ATP5PD: variants seen among roughly 807,000 people sequenced by gnomAD.
ATP5PD encodes the protein ATP synthase peripheral stalk subunit d, mitochondrial.
In ATP5PD, 13 loss-of-function variants were observed where a neutral mutation model predicts 22.6. The ratio of observed to expected loss-of-function variants is 0.58; its 90% CI spans 0.37 to 0.91. The LOEUF (loss-of-function observed/expected upper bound fraction) is 0.91. ATP5PD is among the 40% of genes least tolerant of loss of function. The probability of loss-of-function intolerance (pLI) is 0.00; values close to 1 mark genes in which losing one functional copy is unlikely to be tolerated. For synonymous variants in ATP5PD, 51 were observed against 65.0 expected, an observed-to-expected ratio of 0.79 and a Z score of 1.03; for missense variants, 165 against 188.0, an observed-to-expected ratio of 0.88 and a Z score of 0.72.
At chr17:75,045,468 C>T (rs1184454407) in intron 1 of ATP5PD, among the ~76,000 whole-genome samples, 2 of 152,186 alleles carry the variant, frequency 1.3e-5, no homozygotes, top group Non-Finnish European at 2.9e-5. Flanking sequence ...TTATTTCACC[C>T]CTGCAGTCTC....
intron 3 of ATP5PD, chr17:75,041,315 A>C (rs2073157197): frequency 6.6e-6 from 1 of 150,470 alleles, no homozygotes; most frequent in Non-Finnish European, 1.5e-5. Context: ...AGATGGCGCC[A>C]CTGCACTCCA....
chr17:75,045,367 AG>A (rs1327846600), intron 1 of ATP5PD, among the ~76,000 whole-genome samples: 2 of 152,342 alleles, frequency 1.3e-5, no homozygotes, highest in Admixed American at 6.5e-5. Flanking sequence ...ATCAGGAGAC[AG>A]GGTTTTCAGA....
intron 1 of ATP5PD, among the ~76,000 whole-genome samples, chr17:75,044,701 C>T (rs1381087062): frequency 6.6e-6 from 1 of 152,126 alleles, no homozygotes; most frequent in Non-Finnish European, 1.5e-5. Flanking sequence ...AAAACGACTA[C>T]AGCCACTTAA....
intron 4 of ATP5PD, chr17:75,039,690 A>C: frequency 3.7e-6 from 1 of 267,524 alleles, no homozygotes; most frequent in East Asian, 8.7e-5. Context: ...TAATTTTTCT[A>C]ATTCCAACTC....
chr17:75,046,287 T>G (rs1416530337), intron 1 of ATP5PD, among the ~76,000 whole-genome samples: 3 of 152,314 alleles, frequency 2.0e-5, no homozygotes, highest in Non-Finnish European at 4.4e-5. Context: ...TTTCACTACG[T>G]TGGCCAGGCT....
chr17:75,045,184 C>G (rs1278755287), intron 1 of ATP5PD, among the ~76,000 whole-genome samples: 2 of 152,082 alleles, frequency 1.3e-5, no homozygotes, highest in Non-Finnish European at 2.9e-5. Flanking sequence ...TAGGGAGTTT[C>G]AAAAGGGGAG....
At position 75,046,575 on chromosome 17, in the gene ATP5PD, C is replaced by A. The variant is rs2073219947; in HGVS notation, c.-10+350G>T. Among the ~76,000 whole-genome samples the A allele has an allele frequency of 2.0e-5, 3 of 152,208 alleles. No individual in the cohort carries two copies. In the South Asian group the frequency reaches 6.2e-4, roughly 32 times the overall value. On this transcript the variant is annotated intron_variant, in intron 1 of 5. Coordinates refer to ENST00000301587, the MANE Select transcript of ATP5PD (RefSeq NM_006356.3). ...GGGCGCAGCCCCGCAGCCAGCTGAG[C>A]GTCCCTCGGCAGGTTAACACTGTCT...
chr17:75,039,305 C>T, intron 4 of ATP5PD, 34 bp from the exon 5 acceptor site: 1 of 1,599,058 alleles, frequency 6.3e-7, no homozygotes, highest in East Asian at 2.2e-5. Context: ...GTTCTGAAAC[C>T]AGGCTGCATT....
intron 3 of ATP5PD, chr17:75,040,576 T>C (rs1001924246): frequency 3.4e-5 from 7 of 207,038 alleles, no homozygotes; most frequent in Admixed American, 1.1e-4. Flanking sequence ...GCGTAATGAA[T>C]GGTCTCCTTA....
At chr17:75,042,737 T>C (rs2073173649) in intron 1 of ATP5PD, 78 bp from the exon 2 acceptor site, 2 of 1,375,144 alleles carry the variant, frequency 1.5e-6, no homozygotes, top group Admixed American at 4.3e-5. Context: ...AATAACAAAA[T>C]AAGAGCTCTT....
At chr17:75,041,274 G>T (rs2073156761) in intron 3 of ATP5PD, 1 of 150,988 alleles carries the variant, frequency 6.6e-6, no homozygotes, top group Non-Finnish European at 1.5e-5. Context: ...AGGAAGGCTT[G>T]AGCCCGGGAG....
At position 75,042,673 on chromosome 17, in the gene ATP5PD, C is replaced by A; in HGVS notation, c.-9-14G>T. The stretch of plus-strand genomic sequence containing the variant: ...CATTTTGGGATCCTGAAAAATAAGT[C>A]AAATAAAAACAAGGCTTTTTTATGA... On this transcript the variant is annotated splice_polypyrimidine_tract_variant and intron_variant, in intron 1 of 5. Coordinates refer to ENST00000301587, the MANE Select transcript of ATP5PD (RefSeq NM_006356.3). 2 of 1,584,382 alleles carry A rather than the reference C, an allele frequency of 1.3e-6. No homozygotes were observed. Among genetic ancestry groups the A allele is most frequent in the South Asian group, 2.3e-5 (2 of 85,368 alleles).
intron 2 of ATP5PD, 85 bp downstream of exon 2, chr17:75,042,444 C>T (rs1192866596): frequency 2.2e-5 from 35 of 1,556,254 alleles, no homozygotes; most frequent in Non-Finnish European, 3.0e-5. Flanking sequence ...ATAAGGGCAT[C>T]AAGAATTCAT....
chr17:75,045,977 A>C (rs1473500814), intron 1 of ATP5PD, among the ~76,000 whole-genome samples: 2 of 152,260 alleles, frequency 1.3e-5, no homozygotes, highest in Middle Eastern at 3.2e-3. Flanking sequence ...AAATGTCCAT[A>C]AAATCTTCAC....
At chr17:75,045,911 G>C (rs1008626375) in intron 1 of ATP5PD, among the ~76,000 whole-genome samples, 12 of 152,228 alleles carry the variant, frequency 7.9e-5, no homozygotes, top group African/African-American at 2.7e-4. Context: ...TATGTTTAGA[G>C]ATTGCAGTAA....
chr17:75,038,990 G>A lies in ATP5PD; in HGVS notation c.428C>T (p.Thr143Ile), dbSNP rs2073129448. The change falls in exon 6 of 6, where the codon ACC becomes ATC. Residue 143 changes from threonine to isoleucine, a missense_variant. Transcript: ENST00000301587. ...GGGATACTTTTTCTTGTCTAATTTGGTTTCTGGGAAAGCTTCATTCAAGTC... is the reference window on the plus strand; with the variant it reads ...GGGATACTTTTTCTTGTCTAATTTGATTTCTGGGAAAGCTTCATTCAAGTC... Reference protein sequence around the residue: ...IEDLNEAFPETKLDKKKYPYW... With the variant: ...IEDLNEAFPEIKLDKKKYPYW... The A allele has an allele frequency of 6.2e-7, 1 of 1,614,102 alleles. No individual in the cohort carries two copies. Among genetic ancestry groups the A allele is most frequent in the Non-Finnish European group, 8.5e-7 (1 of 1,179,994 alleles).
At chr17:75,045,641 C>T (rs989615847) in intron 1 of ATP5PD, among the ~76,000 whole-genome samples, 1 of 150,824 alleles carries the variant, frequency 6.6e-6, no homozygotes, top group Non-Finnish European at 1.5e-5. Context: ...CTGCCCGGCT[C>T]ACCGGCGGTC....
intron 1 of ATP5PD, among the ~76,000 whole-genome samples, chr17:75,046,672 C>T (rs2307009): frequency 1.3e-5 from 2 of 152,262 alleles, no homozygotes; most frequent in African/African-American, 4.8e-5. Flanking sequence ...GCACGAGACA[C>T]GGCTTGTGGC....
chr17:75,040,288 A>G (rs1325836652), intron 3 of ATP5PD, 125 bp from the exon 4 acceptor site: 9 of 1,101,000 alleles, frequency 8.2e-6, no homozygotes, highest in Non-Finnish European at 1.2e-5. Context: ...GGTCATACTG[A>G]AAGACATTCT....
Sources: gnomAD v4.1 joint callset for allele counts (sites outside exome capture counted in the v4.1 genomes callset) on GRCh38, gnomAD v4.1.1 for gene constraint, MANE v1.5 for transcripts, NCBI Gene and HGNC (gene_info 2026-07-23, HGNC 2026-07-21) for gene names.